The following PTPRD variants were observed in gnomAD, a reference collection of about 807,000 sequenced individuals.
PTPRD encodes the protein protein tyrosine phosphatase receptor type D, also known as receptor-type tyrosine-protein phosphatase delta.
PTPRD carries 34 observed loss-of-function variants against 214.5 expected under a neutral mutation model. The ratio of observed to expected loss-of-function variants is 0.16; its 90% CI spans 0.12 to 0.21. The LOEUF (loss-of-function observed/expected upper bound fraction) is 0.21. PTPRD is among the 10% of genes least tolerant of loss of function. PTPRD has a pLI of 1.00. For synonymous variants in PTPRD, 1,128 were observed against 845.7 expected (o/e 1.33, Z -5.79); for missense variants, 2,545 against 2,398.7 (o/e 1.06, Z -1.27).
At chr9:8,767,731 T>G (rs1318896790) in intron 11 of PTPRD, among the ~76,000 whole-genome samples, 2 of 152,176 alleles carry the variant, frequency 1.3e-5, no homozygotes, top group East Asian at 1.9e-4. Context: ...CAGGTCATAC[T>G]CCACAATAAT....
intron 3 of PTPRD, among the ~76,000 whole-genome samples, chr9:10,153,204 G>T (rs1228780623): frequency 6.6e-6 from 1 of 152,040 alleles, no homozygotes; most frequent in African/African-American, 2.4e-5. Context: ...TGAGGTGATA[G>T]ATATGTTAAT....
chr9:9,324,297 T>C (rs1319324732), intron 9 of PTPRD, among the ~76,000 whole-genome samples: 2 of 152,140 alleles, frequency 1.3e-5, no homozygotes, highest in African/African-American at 2.4e-5. Flanking sequence ...CTAGTTTACA[T>C]TCCCACCAAC....
intron 11 of PTPRD, among the ~76,000 whole-genome samples, chr9:9,011,941 G>C (rs148015487): frequency 1.3e-5 from 2 of 152,216 alleles, no homozygotes; most frequent in African/African-American, 4.8e-5. Flanking sequence ...CTAACCAATA[G>C]AACTTGGTAA....
At chr9:8,591,283 G>A (rs1292744050) in intron 14 of PTPRD, among the ~76,000 whole-genome samples, 3 of 152,148 alleles carry the variant, frequency 2.0e-5, no homozygotes, top group South Asian at 2.1e-4. Context: ...GGAACTAGTC[G>A]TGATTTGGAG....
intron 3 of PTPRD, among the ~76,000 whole-genome samples, chr9:10,135,993 G>A (rs760644240): frequency 2.0e-5 from 3 of 149,664 alleles, no homozygotes; most frequent in Non-Finnish European, 4.4e-5. Flanking sequence ...AGAGACCCAC[G>A]TCATATGTAA....
At chr9:8,568,750 T>C (rs143488052) in intron 14 of PTPRD, among the ~76,000 whole-genome samples, 3 of 152,196 alleles carry the variant, frequency 2.0e-5, no homozygotes, top group Non-Finnish European at 4.4e-5. Flanking sequence ...TTTCTGCAAG[T>C]ATTTTCTTTC....
chr9:8,614,589 TAGA>T (rs2095550938), intron 14 of PTPRD, among the ~76,000 whole-genome samples: 1 of 152,176 alleles, frequency 6.6e-6, no homozygotes, highest in Non-Finnish European at 1.5e-5. Context: ...CCCTACAATG[TAGA>T]ATCCTACAGC....
chr9:8,624,942 C>T (rs959782051), intron 14 of PTPRD, among the ~76,000 whole-genome samples: 1 of 151,736 alleles, frequency 6.6e-6, no homozygotes, highest in African/African-American at 2.4e-5. Context: ...CTCATTCTTA[C>T]CCAAATGGTC....
At chr9:8,615,410 T>G (rs1475652602) in intron 14 of PTPRD, among the ~76,000 whole-genome samples, 1 of 152,170 alleles carries the variant, frequency 6.6e-6, no homozygotes, top group African/African-American at 2.4e-5. Context: ...CGCCACTATT[T>G]AAACATGAAG....
intron 11 of PTPRD, among the ~76,000 whole-genome samples, chr9:8,924,577 TAGC>T (rs973239469): frequency 3.9e-5 from 6 of 152,124 alleles, no homozygotes; most frequent in African/African-American, 1.4e-4. Context: ...TGTCTTGTCT[TAGC>T]ATCTCCCCAC....
At chr9:8,513,733 C>T (rs907930878) in intron 21 of PTPRD, among the ~76,000 whole-genome samples, 13 of 151,978 alleles carry the variant, frequency 8.6e-5, no homozygotes, top group Non-Finnish European at 1.8e-4. Context: ...TCTTAAGGAG[C>T]AGCTCGGCAT....
intron 5 of PTPRD, among the ~76,000 whole-genome samples, chr9:9,909,729 T>A (rs2078637403): frequency 6.6e-6 from 1 of 151,904 alleles, no homozygotes; most frequent in Non-Finnish European, 1.5e-5. Flanking sequence ...CTAAGTTGAC[T>A]TCAACATACA....
At chr9:9,875,876 G>C (rs774406752) in intron 5 of PTPRD, among the ~76,000 whole-genome samples, 1 of 152,106 alleles carries the variant, frequency 6.6e-6, no homozygotes, top group Non-Finnish European at 1.5e-5. Flanking sequence ...GAAATGCAGA[G>C]ATTGGTGAAT....
Position 9,712,098 on chromosome 9 carries a change from A to C in PTPRD, c.-287+22435T>G, listed in dbSNP as rs556465764. Among the ~76,000 whole-genome samples the C allele has an allele frequency of 1.4e-3, 216 of 152,312 alleles. 1 individual carries two copies. Among genetic ancestry groups the C allele is most frequent in the African/African-American group, 4.6e-3 (193 of 41,570 alleles). Reference sequence around the variant, plus strand: ...TTTTTCGTTGATTTTAACCTGCGGAATTTAATTTTGAGTTTCTATGGCATT... The same window carrying C: ...TTTTTCGTTGATTTTAACCTGCGGACTTTAATTTTGAGTTTCTATGGCATT... On this transcript the variant is annotated intron_variant, in intron 7 of 45. Coordinates refer to ENST00000381196, the MANE Select transcript of PTPRD (RefSeq NM_002839.4).
At chr9:10,234,843 C>T (rs939295709) in intron 3 of PTPRD, among the ~76,000 whole-genome samples, 6 of 151,904 alleles carry the variant, frequency 3.9e-5, no homozygotes, top group Admixed American at 6.6e-5. Context: ...AAATATACTT[C>T]GGGAGATTAA....
chr9:9,961,032 T>C lies in PTPRD; in HGVS notation c.-471-22422A>G, dbSNP rs146929952. Reference sequence around the variant, plus strand: ...AACAGACACTTCTCAAAAGAAGACATTTATGCAGCCAACAGACACATGAAA... The same window carrying C: ...AACAGACACTTCTCAAAAGAAGACACTTATGCAGCCAACAGACACATGAAA... On this transcript the variant is annotated intron_variant, in intron 4 of 45. Coordinates refer to ENST00000381196, the MANE Select transcript of PTPRD (RefSeq NM_002839.4). Among the ~76,000 whole-genome samples the C allele has an allele frequency of 7.7e-3, 1,170 of 152,176 alleles. 9 individuals are homozygous for C. Among genetic ancestry groups the C allele is most frequent in the African/African-American group, 0.026 (1,078 of 41,540 alleles).
chr9:10,309,900 A>C (rs10959041), intron 3 of PTPRD, among the ~76,000 whole-genome samples: 12,121 of 152,102 alleles, frequency 0.08, 608 homozygotes, highest in Non-Finnish European at 0.11. Flanking sequence ...TTAGCACCTT[A>C]TCACTTGGTA....
chr9:10,430,488 G>A (rs1002775381), intron 2 of PTPRD, among the ~76,000 whole-genome samples: 4 of 151,790 alleles, frequency 2.6e-5, no homozygotes, highest in African/African-American at 9.7e-5. Flanking sequence ...AGCTGCAAAT[G>A]CCTATAATTT....
intron 9 of PTPRD, among the ~76,000 whole-genome samples, chr9:9,234,681 C>G (rs1330498263): frequency 1.3e-5 from 2 of 152,158 alleles, no homozygotes; most frequent in African/African-American, 4.8e-5. Flanking sequence ...ATGTAAAGGA[C>G]AGGGGCAAAA....
Sources: gnomAD v4.1 joint callset for allele counts (sites outside exome capture counted in the v4.1 genomes callset) on GRCh38, gnomAD v4.1.1 for gene constraint, MANE v1.5 for transcripts, NCBI Gene and HGNC (gene_info 2026-07-23, HGNC 2026-07-21) for gene names.